The following FAT3 variants were observed in gnomAD, a reference collection of about 807,000 sequenced individuals.
FAT3 encodes FAT atypical cadherin 3, also known as protocadherin Fat 3.
Under a neutral mutation model 310.2 loss-of-function variants are expected in FAT3, and 95 were observed. The observed-to-expected ratio is 0.31, with a 90% CI of 0.26 to 0.36. FAT3 has a LOEUF of 0.36. FAT3 is among the 10% of genes least tolerant of loss of function. The pLI is 1.00. For missense variants in FAT3, 5,408 were observed against 5,715.6 expected, an observed-to-expected ratio of 0.95 and a Z score of 1.74; for synonymous variants, 2,314 against 2,192.9, an observed-to-expected ratio of 1.06 and a Z score of -1.54.
rs1428754738 is a variant in FAT3 at position 92,565,293 on chromosome 11, C to T, written c.3607+40345C>T. Among the ~76,000 whole-genome samples, 532 of 150,054 alleles carry T rather than the reference C, an allele frequency of 3.5e-3. 2 individuals are homozygous for T. Among genetic ancestry groups the T allele is most frequent in the Non-Finnish European group, 5.9e-3 (396 of 67,152 alleles). Reference sequence around the variant, plus strand: ...AATAAACTAGAAAATCTAGAAGAAACGGATAAATTCCTCGACACATACACT... The same window carrying T: ...AATAAACTAGAAAATCTAGAAGAAATGGATAAATTCCTCGACACATACACT... On this transcript the variant is annotated intron_variant, in intron 3 of 27. Coordinates refer to ENST00000525166, the MANE Select transcript of FAT3 (RefSeq NM_001367949.2).
rs1028385348 is a variant in FAT3, at chr11:92,894,882, A to C, written c.*3769A>C. The C allele has an allele frequency of 2.6e-4, 40 of 152,232 alleles. No homozygotes were observed. Among genetic ancestry groups the C allele is most frequent in the African/African-American group, 9.4e-4 (39 of 41,458 alleles). The allele number at this position is 152,232 out of a possible 1,614,324, so 9.4% of individuals were successfully genotyped here. ...GGACATTACTAGCACATTCTGGAAAAAAAGCAAGTTGAACATATCTACCAT... is the reference window on the plus strand; with the variant it reads ...GGACATTACTAGCACATTCTGGAAACAAAGCAAGTTGAACATATCTACCAT... On this transcript the variant is annotated 3_prime_UTR_variant, in exon 28 of 28. Transcript: ENST00000525166.
chr11:92,722,998 A>G (rs1039265310), intron 4 of FAT3, among the ~76,000 whole-genome samples: 20 of 152,104 alleles, frequency 1.3e-4, no homozygotes, highest in African/African-American at 3.4e-4. Flanking sequence ...TGCCCTGGTG[A>G]TATTTTCCCC....
chr11:92,601,543 C>T (rs1281315748), intron 3 of FAT3, among the ~76,000 whole-genome samples: 1 of 152,082 alleles, frequency 6.6e-6, no homozygotes, highest in Admixed American at 6.5e-5. Context: ...TGCAGTGAGC[C>T]GAGGTCGCAC....
chr11:92,609,581 G>A lies in FAT3; in HGVS notation c.3607+84633G>A, dbSNP rs558503700. ...TTGTCTAAGCTGAATTAAGTGCTCA[G>A]CAAAATAATGTATTTTGGTATCAAA... On this transcript the variant is annotated intron_variant, in intron 3 of 27. Transcript: ENST00000525166. 7.2e-4 allele frequency among the ~76,000 whole-genome samples: 109 copies of A among 152,264 alleles called. 1 individual carries two copies. Among genetic ancestry groups the A allele is most frequent in the Non-Finnish European group, 1.0e-3 (70 of 68,016 alleles).
chr11:92,842,592 A>G (rs963117354), intron 18 of FAT3, among the ~76,000 whole-genome samples: 1 of 152,234 alleles, frequency 6.6e-6, no homozygotes, highest in Non-Finnish European at 1.5e-5. Flanking sequence ...ATAACAACAG[A>G]TGGACACAGT....
At chr11:92,845,773 T>C (rs894189375) in intron 19 of FAT3, among the ~76,000 whole-genome samples, 15 of 152,190 alleles carry the variant, frequency 9.9e-5, no homozygotes, top group South Asian at 6.2e-4. Context: ...CTTTAGGTAA[T>C]TGGGGACAGG....
intron 1 of FAT3, among the ~76,000 whole-genome samples, chr11:92,303,015 C>T (rs927026769): frequency 7.9e-5 from 12 of 151,980 alleles, no homozygotes; most frequent in African/African-American, 1.2e-4. Context: ...GGGCCTGCTC[C>T]GACCTCATTA....
At chr11:92,336,804 G>T (rs1327967238) in intron 1 of FAT3, among the ~76,000 whole-genome samples, 1 of 152,176 alleles carries the variant, frequency 6.6e-6, no homozygotes, top group Non-Finnish European at 1.5e-5. Flanking sequence ...AAGTAAACTC[G>T]AGTAGGAGAA....
intron 10 of FAT3, among the ~76,000 whole-genome samples, chr11:92,803,940 C>G (rs1278211864): frequency 2.0e-5 from 3 of 152,212 alleles, no homozygotes; most frequent in Non-Finnish European, 4.4e-5. Flanking sequence ...TGAGCAGCCC[C>G]TTGCATTATA....
rs566678489 is a variant in FAT3 at position 92,286,888 on chromosome 11, T to C, written c.-18+61714T>C. Among the ~76,000 whole-genome samples the C allele has an allele frequency of 1.1e-4, 17 of 152,296 alleles. No homozygotes were observed. In the East Asian group the frequency reaches 2.3e-3, roughly 21 times the overall value. On this transcript the variant is annotated intron_variant, in intron 1 of 27. Coordinates refer to ENST00000525166, the MANE Select transcript of FAT3 (RefSeq NM_001367949.2). ...CCTCTTGAACAAAAGACAGTATGTG[T>C]GGAATTCTGATTACAGCTTAGATCT...
At chr11:92,470,072 T>G (rs774663322) in intron 2 of FAT3, among the ~76,000 whole-genome samples, 1 of 152,204 alleles carries the variant, frequency 6.6e-6, no homozygotes, top group Non-Finnish European at 1.5e-5. Flanking sequence ...AACGGTCCAG[T>G]GGTCATGCCA....
chr11:92,529,318 G>A (rs1465242303), intron 3 of FAT3, among the ~76,000 whole-genome samples: 1 of 152,158 alleles, frequency 6.6e-6, no homozygotes, highest in Non-Finnish European at 1.5e-5. Flanking sequence ...CTGAAGAATG[G>A]GCTGACCTGC....
At chr11:92,471,817 A>C (rs1951911533) in intron 2 of FAT3, among the ~76,000 whole-genome samples, 1 of 151,694 alleles carries the variant, frequency 6.6e-6, no homozygotes, top group Non-Finnish European at 1.5e-5. Flanking sequence ...TACATCTGTG[A>C]AATGAATAAA....
intron 1 of FAT3, among the ~76,000 whole-genome samples, chr11:92,305,715 A>G (rs994635985): frequency 5.9e-5 from 9 of 152,102 alleles, no homozygotes; most frequent in Non-Finnish European, 1.0e-4. Flanking sequence ...TATCAGATAA[A>G]CCCAAATAGA....
chr11:92,286,333 A>G (rs1946561825), intron 1 of FAT3, among the ~76,000 whole-genome samples: 1 of 152,150 alleles, frequency 6.6e-6, no homozygotes, highest in Non-Finnish European at 1.5e-5. Flanking sequence ...TCCAAATTTC[A>G]TGTTGCAGAA....
intron 1 of FAT3, among the ~76,000 whole-genome samples, chr11:92,301,588 G>T (rs1012905498): frequency 6.6e-6 from 1 of 152,144 alleles, no homozygotes; most frequent in African/African-American, 2.4e-5. Context: ...AGCTTTGCTA[G>T]ATGACAAGTG....
At chr11:92,743,635 G>A (rs1317137356) in intron 4 of FAT3, among the ~76,000 whole-genome samples, 1 of 152,218 alleles carries the variant, frequency 6.6e-6, no homozygotes, top group African/African-American at 2.4e-5. Flanking sequence ...AGGGCCGCAT[G>A]TGTCCTAAGG....
chr11:92,326,709 C>T (rs192957360), intron 1 of FAT3, among the ~76,000 whole-genome samples: 2 of 152,354 alleles, frequency 1.3e-5, no homozygotes, highest in African/African-American at 4.8e-5. Context: ...GGACCAGGCG[C>T]AGCCCGCTAG....
chr11:92,692,966 T>G (rs1943838623), intron 3 of FAT3, among the ~76,000 whole-genome samples: 1 of 152,172 alleles, frequency 6.6e-6, no homozygotes, highest in Non-Finnish European at 1.5e-5. Context: ...GGAAAAGAAG[T>G]CATCCTTACA....
Sources: gnomAD v4.1 joint callset for allele counts (sites outside exome capture counted in the v4.1 genomes callset) on GRCh38, gnomAD v4.1.1 for gene constraint, MANE v1.5 for transcripts, NCBI Gene and HGNC (gene_info 2026-07-23, HGNC 2026-07-21) for gene names.